The following FOXJ3 variants were observed in gnomAD, a reference collection of about 807,000 sequenced individuals.
FOXJ3 encodes the protein forkhead box J3, also known as forkhead box protein J3.
In FOXJ3, 22 loss-of-function variants were observed where a neutral mutation model predicts 76.1. The ratio of observed to expected loss-of-function variants is 0.29; its 90% CI spans 0.21 to 0.41. The LOEUF is 0.41. Among genes scored for constraint, FOXJ3 ranks in the 10% least tolerant of loss-of-function variants. The probability of loss-of-function intolerance (pLI) is 1.00; values close to 1 mark genes in which losing one functional copy is unlikely to be tolerated. For synonymous variants in FOXJ3, 269 were observed against 261.2 expected (o/e 1.03, Z -0.29); for missense variants, 613 against 762.1 (o/e 0.80, Z 2.30).
chr1:42,288,998 TTTG>T (rs920249776), intron 2 of FOXJ3, among the ~76,000 whole-genome samples: 1 of 152,080 alleles, frequency 6.6e-6, no homozygotes, highest in African/African-American at 2.4e-5. Context: ...TACGGAGACT[TTTG>T]TTATTTTTTA....
chr1:42,184,145 C>T (rs977522751), intron 11 of FOXJ3, among the ~76,000 whole-genome samples: 2 of 152,078 alleles, frequency 1.3e-5, no homozygotes, highest in Admixed American at 6.5e-5. Flanking sequence ...AAGACTGCAC[C>T]AAGCTGGAAG....
rs1553159194 is a variant in FOXJ3 at position 42,222,095 on chromosome 1, A to AGAAGAG, written c.528+5787_528+5788insCTCTTC. On this transcript the variant is annotated intron_variant, in intron 5 of 12. Transcript: ENST00000361346. Reference sequence around the variant, plus strand: ...AAGAAGAAGAAGAAGAAGAAGAAGAAGAAGAAGAAGAAGAAATAAAAAGTT... The same window carrying AGAAGAG: ...AAGAAGAAGAAGAAGAAGAAGAAGAAGAAGAGGAAGAAGAAGAAGAAATAAAAAGTT... 3.1e-4 allele frequency among the ~76,000 whole-genome samples: 45 copies of AGAAGAG among 146,748 alleles called. 1 individual carries two copies. The East Asian group carries it at 7.0e-3, about 23-fold the overall frequency.
chr1:42,284,991 T>C (rs6680752), intron 2 of FOXJ3, among the ~76,000 whole-genome samples: 1 of 152,232 alleles, frequency 6.6e-6, no homozygotes, highest in African/African-American at 2.4e-5. Context: ...CTAGATCTTT[T>C]GTTTAATGTG....
chr1:42,317,886 T>C (rs1047899998), intron 1 of FOXJ3, among the ~76,000 whole-genome samples: 3 of 152,166 alleles, frequency 2.0e-5, no homozygotes, highest in African/African-American at 7.2e-5. Context: ...TCTTCATAAA[T>C]AGAAATAGAA....
intron 7 of FOXJ3, among the ~76,000 whole-genome samples, 165 bp downstream of exon 7, chr1:42,198,937 C>T (rs1374013616): frequency 6.6e-6 from 1 of 152,076 alleles, no homozygotes; most frequent in Non-Finnish European, 1.5e-5. Flanking sequence ...AATTAAAACA[C>T]TAACAAGCTA....
In FOXJ3 at chr1:42,236,991, C is replaced by A. The variant is rs569232950; in HGVS notation, c.445-9025G>T. Among the ~76,000 whole-genome samples, 12 of 152,106 alleles carry A rather than the reference C, an allele frequency of 7.9e-5. 2 individuals carry two copies. The South Asian group carries it at 1.9e-3, about 24-fold the overall frequency. ...TGATATCTTTTGCCCATGTTTTATT[C>A]GGATTATAAGAATATAGGCTATTTC... On this transcript the variant is annotated intron_variant, in intron 4 of 12. Transcript: ENST00000361346.
At chr1:42,313,319 AAG>A (rs1654919473) in intron 1 of FOXJ3, among the ~76,000 whole-genome samples, 1 of 151,636 alleles carries the variant, frequency 6.6e-6, no homozygotes, top group African/African-American at 2.4e-5. Flanking sequence ...CCTAGGCAAT[AAG>A]AGCAAAATTC....
At chr1:42,257,974 T>C (rs1412940506) in intron 4 of FOXJ3, among the ~76,000 whole-genome samples, 1 of 152,162 alleles carries the variant, frequency 6.6e-6, no homozygotes, top group Non-Finnish European at 1.5e-5. Flanking sequence ...CCTGATTAAG[T>C]ACAAATAAAC....
chr1:42,333,722 G>GA (rs1226852699), intron 1 of FOXJ3, among the ~76,000 whole-genome samples: 2 of 151,966 alleles, frequency 1.3e-5, no homozygotes, highest in African/African-American at 4.8e-5. Context: ...GAGACATTAA[G>GA]AAAAAAACTA....
rs117713628 is a variant in FOXJ3, at chr1:42,206,489, C to T, written c.529-626G>A. On this transcript the variant is annotated intron_variant, in intron 5 of 12. Transcript: ENST00000361346. ...AAGGAACCTCGACATCTGAATGACC[C>T]TGTGAAACAGAGCTGTTTATATCTC... is the stretch of plus-strand genomic sequence containing the variant. Among the ~76,000 whole-genome samples the T allele has an allele frequency of 1.1e-3, 161 of 152,304 alleles. 1 individual carries two copies. In the East Asian group the frequency reaches 0.03, roughly 28 times the overall value.
chr1:42,275,409 G>A (rs577980600), intron 3 of FOXJ3, among the ~76,000 whole-genome samples: 7 of 152,138 alleles, frequency 4.6e-5, no homozygotes, highest in Non-Finnish European at 7.4e-5. Flanking sequence ...AACATGTGCA[G>A]GGACGAAAGA....
At chr1:42,297,742 T>G (rs1182580547) in intron 2 of FOXJ3, among the ~76,000 whole-genome samples, 1 of 152,180 alleles carries the variant, frequency 6.6e-6, no homozygotes, top group Non-Finnish European at 1.5e-5. Flanking sequence ...TTGCCTGACT[T>G]TGGTATCTGG....
chr1:42,327,833 C>T (rs942471976), intron 1 of FOXJ3, among the ~76,000 whole-genome samples: 4 of 152,136 alleles, frequency 2.6e-5, no homozygotes, highest in Non-Finnish European at 5.9e-5. Flanking sequence ...AGGAGAATTC[C>T]GTTAGAACTT....
chr1:42,291,025 T>TATAGATAGATAGATAG (rs80123722), intron 2 of FOXJ3, among the ~76,000 whole-genome samples: 2 of 134,244 alleles, frequency 1.5e-5, no homozygotes, highest in African/African-American at 2.8e-5. Flanking sequence ...AAAAGACCCA[T>TATAGATAGATAGATAG]ATAGATAGAT....
intron 1 of FOXJ3, chr1:42,334,284 A>G (rs754702122): frequency 1.1e-4 from 19 of 180,362 alleles, no homozygotes; most frequent in Non-Finnish European, 1.8e-4. Flanking sequence ...ACAACTCTCG[A>G]TTCTTCATCT....
intron 2 of FOXJ3, among the ~76,000 whole-genome samples, chr1:42,299,441 T>C (rs1186774954): frequency 1.3e-5 from 2 of 152,108 alleles, no homozygotes; most frequent in African/African-American, 4.8e-5. Context: ...GCATTTGTTT[T>C]CCATTTGCAT....
chr1:42,238,517 A>G (rs1648878812), intron 4 of FOXJ3, among the ~76,000 whole-genome samples: 1 of 152,150 alleles, frequency 6.6e-6, no homozygotes, highest in South Asian at 2.1e-4. Context: ...TTCCACATAA[A>G]TAAGAGGACC....
intron 2 of FOXJ3, among the ~76,000 whole-genome samples, chr1:42,301,118 T>C (rs1392646764): frequency 6.6e-6 from 1 of 152,200 alleles, no homozygotes; most frequent in African/African-American, 2.4e-5. Flanking sequence ...TCTACACTTT[T>C]TACTTTTTCT....
At chr1:42,324,101 T>TGTATATACACAGTGTATATATA (rs1557725873) in intron 1 of FOXJ3, among the ~76,000 whole-genome samples, 10 of 22,720 alleles carry the variant, frequency 4.4e-4, no homozygotes, top group African/African-American at 1.5e-3. Context: ...GTATATATAC[T>TGTATATACACAGTGTATATATA]GTGTATATAC....
Sources: gnomAD v4.1 joint callset for allele counts (sites outside exome capture counted in the v4.1 genomes callset) on GRCh38, gnomAD v4.1.1 for gene constraint, MANE v1.5 for transcripts, NCBI Gene and HGNC (gene_info 2026-07-23, HGNC 2026-07-21) for gene names.